METTL16: variants seen among roughly 807,000 people sequenced by gnomAD.
The protein encoded by METTL16 is RNA N(6)-adenosine-methyltransferase METTL16.
In METTL16, 19 loss-of-function variants were observed where a neutral mutation model predicts 57.9. The observed-to-expected ratio is 0.33, with a 90% CI of 0.23 to 0.48. METTL16 has a LOEUF of 0.48. Among genes scored for constraint, METTL16 ranks in the 20% least tolerant of loss-of-function variants. The probability of loss-of-function intolerance (pLI) is 0.99; values close to 1 mark genes in which losing one functional copy is unlikely to be tolerated. For missense variants in METTL16, 434 were observed against 691.5 expected (o/e 0.63, Z 4.18); for synonymous variants, 246 against 255.6 (o/e 0.96, Z 0.36).
chr17:2,508,454 T>G (rs2067564131), intron 1 of METTL16, among the ~76,000 whole-genome samples: 1 of 152,184 alleles, frequency 6.6e-6, no homozygotes, highest in African/African-American at 2.4e-5. Flanking sequence ...TCTCACCAAA[T>G]GCACTGCTAT....
chr17:2,445,447 A>C (rs934881039), intron 6 of METTL16, among the ~76,000 whole-genome samples: 3 of 152,188 alleles, frequency 2.0e-5, no homozygotes, highest in African/African-American at 4.8e-5. Context: ...TGTACCCCCC[A>C]AAAAATACAA....
chr17:2,495,800 A>G lies in METTL16; in HGVS notation c.128+6404T>C, dbSNP rs193172508. 8.9e-4 allele frequency among the ~76,000 whole-genome samples: 133 copies of G among 150,106 alleles called. 3 individuals are homozygous for G. In the East Asian group the frequency reaches 0.024, roughly 27 times the overall value. On this transcript the variant is annotated intron_variant, in intron 2 of 9. Coordinates refer to ENST00000263092, the MANE Select transcript of METTL16 (RefSeq NM_024086.4). ...AACTGCAGATGTGCTGAAAATAGCA[A>G]GAGAACTAGAATTAAAAGTGAAGAC...
intron 8 of METTL16, among the ~76,000 whole-genome samples, chr17:2,427,767 G>A (rs1040605905): frequency 1.3e-5 from 2 of 151,940 alleles, no homozygotes; most frequent in African/African-American, 4.8e-5. Context: ...AGATACAGAT[G>A]GACAACTGAT....
chr17:2,448,144 C>T (rs1439425007), intron 6 of METTL16, among the ~76,000 whole-genome samples: 53 of 138,358 alleles, frequency 3.8e-4, no homozygotes, highest in Admixed American at 6.5e-4. Context: ...CCCGCCCGGC[C>T]GGCCGCCCCG....
At chr17:2,465,220 C>A (rs903310752) in intron 5 of METTL16, among the ~76,000 whole-genome samples, 1 of 152,070 alleles carries the variant, frequency 6.6e-6, no homozygotes, top group South Asian at 2.1e-4. Context: ...TGAGATACCA[C>A]TTTTTACCCA....
chr17:2,468,566 A>C (rs914172928), intron 4 of METTL16, among the ~76,000 whole-genome samples: 2 of 152,226 alleles, frequency 1.3e-5, no homozygotes, highest in Non-Finnish European at 2.9e-5. Context: ...CATAGGAACT[A>C]GGAGATAAAT....
At chr17:2,439,825 G>C (rs1364590086) in intron 7 of METTL16, among the ~76,000 whole-genome samples, 4 of 151,786 alleles carry the variant, frequency 2.6e-5, no homozygotes, top group Admixed American at 6.6e-5. Context: ...ATAAAACTTA[G>C]AAAACAAAAC....
At chr17:2,459,064 C>T (rs1458304324) in intron 6 of METTL16, among the ~76,000 whole-genome samples, 1 of 152,120 alleles carries the variant, frequency 6.6e-6, no homozygotes, top group East Asian at 1.9e-4. Context: ...ACTCAGCCTC[C>T]CAAAGTGTTG....
At chr17:2,442,382 C>G (rs2066959420) in intron 6 of METTL16, among the ~76,000 whole-genome samples, 1 of 152,074 alleles carries the variant, frequency 6.6e-6, no homozygotes, top group South Asian at 2.1e-4. Context: ...AAACACAGTC[C>G]AACGTCTTGC....
chr17:2,438,627 G>A (rs56218066), intron 7 of METTL16, among the ~76,000 whole-genome samples: 4 of 152,036 alleles, frequency 2.6e-5, no homozygotes, highest in South Asian at 2.1e-4. Flanking sequence ...TCAGCCTCCC[G>A]AGTGGCTGGG....
At chr17:2,503,857 C>T (rs139129590) in intron 1 of METTL16, among the ~76,000 whole-genome samples, 1,642 of 151,694 alleles carry the variant, frequency 0.011, 24 homozygotes, top group African/African-American at 0.036. Context: ...CAACAAAATA[C>T]GGTATATCCA....
intron 2 of METTL16, among the ~76,000 whole-genome samples, chr17:2,501,398 C>T (rs2067486200): frequency 6.6e-6 from 1 of 152,078 alleles, no homozygotes; most frequent in Non-Finnish European, 1.5e-5. Context: ...CACTGCACTC[C>T]AGCTTGGGCA....
rs569648757 is a variant in METTL16 at position 2,490,955 on chromosome 17, A to G, written c.128+11249T>C. Among the ~76,000 whole-genome samples the G allele has an allele frequency of 9.8e-5, 15 of 152,346 alleles. No homozygotes were observed. The East Asian group carries it at 2.7e-3, about 27-fold the overall frequency. On this transcript the variant is annotated intron_variant, in intron 2 of 9. Coordinates refer to ENST00000263092, the MANE Select transcript of METTL16 (RefSeq NM_024086.4). ...AAGCTGAGGCTAGTTTCATGGAAGGAAATAAAGTGAACACCAATGAAGAGC... is the reference window on the plus strand; with the variant it reads ...AAGCTGAGGCTAGTTTCATGGAAGGGAATAAAGTGAACACCAATGAAGAGC...
At chr17:2,495,204 C>T (rs1425269498) in intron 2 of METTL16, among the ~76,000 whole-genome samples, 1 of 151,880 alleles carries the variant, frequency 6.6e-6, no homozygotes, top group East Asian at 1.9e-4. Context: ...TGGCAGCACA[C>T]ACCCAGTCCC....
intron 2 of METTL16, among the ~76,000 whole-genome samples, chr17:2,494,970 CATAG>C (rs902860139): frequency 6.6e-6 from 1 of 151,588 alleles, no homozygotes; most frequent in Non-Finnish European, 1.5e-5. Context: ...ATTTTAAGGC[CATAG>C]ATAGTGATTC....
intron 8 of METTL16, among the ~76,000 whole-genome samples, chr17:2,430,460 G>A (rs1219909774): frequency 7.4e-6 from 1 of 135,500 alleles, no homozygotes; most frequent in Non-Finnish European, 1.5e-5. Flanking sequence ...CTGTCGCCCA[G>A]GCTGGAGTGC....
At position 2,441,564 on chromosome 17, in the gene METTL16, GAA is replaced by G; in HGVS notation, c.729-7_729-6del. 6.3e-6 allele frequency: 9 copies of G among 1,437,982 alleles called. No individual in the cohort carries two copies. Among genetic ancestry groups the G allele is most frequent in the Non-Finnish European group, 6.5e-6 (7 of 1,071,436 alleles). The allele number at this position is 1,437,982 out of a possible 1,614,324, so 89.1% of individuals were successfully genotyped here. Reference sequence around the variant, plus strand: ...CCCAGCATGCAGCTATACCATCTAGGAAAAAAAAAATCAGACAAGTAAATACG... The same window carrying G: ...CCCAGCATGCAGCTATACCATCTAGGAAAAAAAATCAGACAAGTAAATACG... On this transcript the variant is annotated splice_polypyrimidine_tract_variant and splice_region_variant and intron_variant, in intron 6 of 9. Transcript: ENST00000263092.
Position 2,420,008 on chromosome 17 carries a change from T to C in METTL16, c.1651A>G (p.Ile551Val), listed in dbSNP as rs1208697520. The C allele has an allele frequency of 3.1e-6, 5 of 1,614,202 alleles. No homozygotes were observed. Among genetic ancestry groups the C allele is most frequent in the Middle Eastern group, 1.6e-4 (1 of 6,062 alleles). ...RDLMNQLCTYIRNQIFRLVAV... is the reference protein window; with the variant it reads ...RDLMNQLCTYVRNQIFRLVAV... ...ACAAGCCTGAAAATTTGGTTACGTA[T>C]GTAGGTGCAAAGCTGGTTCATCAGA... Residue 551 changes from isoleucine (I) to valine (V), a missense_variant, in exon 10 of 10, where the codon ATA (isoleucine) becomes GTA (valine). By Grantham distance (29) the Ile-to-Val change is conservative. Around this residue, in one of 5 missense-constraint regions of METTL16, gnomAD observed 26 missense variants for 60.7 expected, o/e 0.43. Coordinates refer to ENST00000263092, the MANE Select transcript of METTL16 (RefSeq NM_024086.4). The surrounding 1 kb of genome is among the most constrained non-coding windows in gnomAD (Gnocchi z 5.4).
intron 6 of METTL16, among the ~76,000 whole-genome samples, chr17:2,447,016 T>G (rs1231088725): frequency 2.0e-5 from 3 of 150,192 alleles, no homozygotes; most frequent in Non-Finnish European, 4.4e-5. Context: ...GTCTGGGAAG[T>G]GAGGAGCGTC....
Sources: gnomAD v4.1 joint callset for allele counts (sites outside exome capture counted in the v4.1 genomes callset) on GRCh38, gnomAD v4.1.1 for gene constraint, gnomAD v4.1.1 regional missense constraint, Gnocchi (gnomAD v3.1) non-coding constraint, MANE v1.5 for transcripts, NCBI Gene and HGNC (gene_info 2026-07-23, HGNC 2026-07-21) for gene names.